Variants in SV2C observed in about 807,000 individuals in gnomAD.
SV2C encodes the protein synaptic vesicle glycoprotein 2C.
In SV2C, 49 loss-of-function variants were observed where a neutral mutation model predicts 79.7. The observed-to-expected ratio is 0.61, with a 90% CI of 0.49 to 0.78. The LOEUF is 0.78. SV2C is among the 30% of genes least tolerant of loss of function. SV2C has a pLI of 0.00. For missense variants in SV2C, 833 were observed against 912.9 expected (o/e 0.91, Z 1.13); for synonymous variants, 334 against 333.2 (o/e 1.00, Z -0.03).
chr5:76,299,012 C>T, intron 10 of SV2C, 85 bp downstream of exon 10: 2 of 1,427,906 alleles, frequency 1.4e-6, no homozygotes, highest in Non-Finnish European at 1.9e-6. Flanking sequence ...TGGGCAGAGG[C>T]TTATGCGGGA....
chr5:76,164,055 A>G (rs1429359703), intron 2 of SV2C, among the ~76,000 whole-genome samples: 1 of 152,224 alleles, frequency 6.6e-6, no homozygotes, highest in African/African-American at 2.4e-5. Context: ...TTGGGAAAAT[A>G]GGTATTCACC....
At chr5:76,303,884 A>G (rs959742123) in intron 12 of SV2C, among the ~76,000 whole-genome samples, 5 of 152,218 alleles carry the variant, frequency 3.3e-5, no homozygotes, top group African/African-American at 4.8e-5. Flanking sequence ...GGAGAGCTGC[A>G]ATGCAACTCT....
chr5:75,852,697 G>A, the SV2C span, among the ~76,000 whole-genome samples: 16,218 of 151,882 alleles, frequency 0.11, 930 homozygotes, highest in East Asian at 0.16. Flanking sequence ...GTGGTGGCAG[G>A]TGCCTGTAGT....
chr5:76,305,717 AC>A (rs1468850228), intron 12 of SV2C, among the ~76,000 whole-genome samples: 1 of 152,240 alleles, frequency 6.6e-6, no homozygotes, highest in Admixed American at 6.5e-5. Context: ...AAAAAATGAA[AC>A]AACCATTTTT....
intron 1 of SV2C, among the ~76,000 whole-genome samples, chr5:76,101,219 G>A (rs1325863356): frequency 6.6e-6 from 1 of 152,088 alleles, no homozygotes; most frequent in African/African-American, 2.4e-5. Flanking sequence ...CTGAAGGGTG[G>A]GTGGGACTCT....
In SV2C at chr5:76,141,872, AAAAT is replaced by A. The variant is rs145065102; in HGVS notation, c.580+9549_580+9552del. The stretch of plus-strand genomic sequence containing the variant: ...TAAAATTTAAAATATTAAAAAATTA[AAAAT>A]AAATAAGGCAGTTGAATTGTTAATT... On this transcript the variant is annotated intron_variant, in intron 2 of 12. Transcript: ENST00000502798. 2.2e-3 allele frequency among the ~76,000 whole-genome samples: 339 copies of A among 151,658 alleles called. 13 individuals carry two copies. In the East Asian group the frequency reaches 0.057, roughly 26 times the overall value.
At chr5:76,117,530 TGAA>T (rs1311673726) in intron 1 of SV2C, among the ~76,000 whole-genome samples, 1 of 152,182 alleles carries the variant, frequency 6.6e-6, no homozygotes, top group Non-Finnish European at 1.5e-5. Flanking sequence ...TTGCAGAAGA[TGAA>T]GCATGGAGGA....
the SV2C span, among the ~76,000 whole-genome samples, chr5:75,978,525 A>G: frequency 5.5e-4 from 84 of 152,318 alleles, 1 homozygote; most frequent in South Asian, 6.0e-3. Context: ...GTGTCTTACA[A>G]TTGATGCCCA....
At chr5:75,922,320 G>T in the SV2C span, among the ~76,000 whole-genome samples, 1 of 152,002 alleles carries the variant, frequency 6.6e-6, no homozygotes, top group African/African-American at 2.4e-5. Context: ...TATGCTCAAT[G>T]GATAGGAAAT....
At chr5:75,999,707 A>G in the SV2C span, among the ~76,000 whole-genome samples, 1 of 152,022 alleles carries the variant, frequency 6.6e-6, no homozygotes, top group African/African-American at 2.4e-5. Flanking sequence ...CTATAAAAAA[A>G]ATACCACAGG....
intron 6 of SV2C, among the ~76,000 whole-genome samples, chr5:76,291,008 T>A (rs1747543125): frequency 6.6e-6 from 1 of 152,206 alleles, no homozygotes; most frequent in Admixed American, 6.5e-5. Flanking sequence ...TTCTTTGTGG[T>A]TTTCCCTCTC....
chr5:75,926,763 T>A, the SV2C span, among the ~76,000 whole-genome samples: 2 of 152,140 alleles, frequency 1.3e-5, no homozygotes, highest in Non-Finnish European at 2.9e-5. Flanking sequence ...AAAGACAAAA[T>A]CCTTTGGTAA....
chr5:76,335,892 A>G (rs544498398), downstream of SV2C, among the ~76,000 whole-genome samples: 2 of 152,312 alleles, frequency 1.3e-5, no homozygotes, highest in East Asian at 3.9e-4. Context: ...TCTATTCCAC[A>G]AAACTGCCAT....
intron 4 of SV2C, chr5:76,281,240 G>T (rs895242412): frequency 5.7e-6 from 3 of 521,978 alleles, no homozygotes; most frequent in Admixed American, 2.1e-5. Context: ...CAGAAGAAAA[G>T]TAATAGACTC....
chr5:76,219,768 C>T lies in SV2C; in HGVS notation c.913+9881C>T, dbSNP rs138652705. Among the ~76,000 whole-genome samples, 1,496 of 152,286 alleles carry T rather than the reference C, an allele frequency of 9.8e-3. 28 individuals carry two copies. The highest frequency in any genetic ancestry group is 0.032 in the African/African-American group (1,315 of 41,556). On this transcript the variant is annotated intron_variant, in intron 4 of 12. Coordinates refer to ENST00000502798, the MANE Select transcript of SV2C (RefSeq NM_014979.4). ...TGGGAAACACTTTTCAACATTCTCA[C>T]GCTGACCTTTGAGGTATGTATAGTG...
intron 3 of SV2C, among the ~76,000 whole-genome samples, chr5:76,198,044 T>C (rs1052785236): frequency 6.6e-6 from 1 of 152,146 alleles, no homozygotes; most frequent in Non-Finnish European, 1.5e-5. Context: ...TCCTCTGCCT[T>C]TTTGTTCTCT....
the SV2C span, among the ~76,000 whole-genome samples, chr5:75,912,032 A>G: frequency 6.6e-6 from 1 of 152,146 alleles, no homozygotes; most frequent in Non-Finnish European, 1.5e-5. Context: ...GGCGGAGGAG[A>G]AGACTTATGG....
At chr5:76,286,627 A>T (rs977095932) in intron 6 of SV2C, 3 of 152,224 alleles carry the variant, frequency 2.0e-5, no homozygotes, top group Non-Finnish European at 4.4e-5. Context: ...TTCCTGATGT[A>T]TTAGTCCATT....
chr5:75,858,051 A>G, the SV2C span, among the ~76,000 whole-genome samples: 2 of 152,200 alleles, frequency 1.3e-5, no homozygotes, highest in African/African-American at 4.8e-5. Context: ...ATCTGCAAAC[A>G]AGGATAATTT....
Sources: allele counts gnomAD v4.1 joint callset (sites outside exome capture counted in the v4.1 genomes callset), GRCh38; gene constraint gnomAD v4.1.1; transcripts MANE v1.5; gene names NCBI Gene and HGNC (gene_info 2026-07-23, HGNC 2026-07-21).